The following GRID2 variants were observed in gnomAD, a reference collection of about 807,000 sequenced individuals.
GRID2 encodes glutamate ionotropic receptor delta type subunit 2.
Under a neutral mutation model 114.8 loss-of-function variants are expected in GRID2, and 33 were observed. The ratio of observed to expected loss-of-function variants is 0.29; its 90% CI spans 0.22 to 0.38. GRID2 has a LOEUF of 0.38. GRID2 is among the 10% of genes least tolerant of loss of function. The probability of loss-of-function intolerance (pLI) is 1.00; values close to 1 mark genes in which losing one functional copy is unlikely to be tolerated. For missense variants in GRID2, 1,184 were observed against 1,257.7 expected (o/e 0.94, Z 0.89); for synonymous variants, 505 against 449.9 (o/e 1.12, Z -1.55).
At chr4:92,701,906 T>G (rs957148358) in intron 2 of GRID2, among the ~76,000 whole-genome samples, 2 of 152,058 alleles carry the variant, frequency 1.3e-5, no homozygotes, top group African/African-American at 4.8e-5. Context: ...ACTAAACCAG[T>G]TTAAGCAAAT....
At chr4:93,222,615 C>A (rs2149490167) in intron 6 of GRID2, among the ~76,000 whole-genome samples, 1 of 151,984 alleles carries the variant, frequency 6.6e-6, no homozygotes, top group Admixed American at 6.6e-5. Flanking sequence ...TCCCTCACCC[C>A]TCCCCCAACC....
intron 2 of GRID2, among the ~76,000 whole-genome samples, chr4:92,710,452 G>A (rs1735192034): frequency 6.6e-6 from 1 of 152,122 alleles, no homozygotes; most frequent in South Asian, 2.1e-4. Flanking sequence ...TTTCCAATGT[G>A]CTATGTATGT....
chr4:93,039,715 G>A (rs985338592), intron 2 of GRID2, among the ~76,000 whole-genome samples: 5 of 152,068 alleles, frequency 3.3e-5, no homozygotes, highest in African/African-American at 4.8e-5. Flanking sequence ...TGAGTTCAAT[G>A]CAGTCTACAG....
At chr4:92,545,509 C>T (rs979605305) in intron 1 of GRID2, among the ~76,000 whole-genome samples, 1 of 152,072 alleles carries the variant, frequency 6.6e-6, no homozygotes, top group Non-Finnish European at 1.5e-5. Context: ...AGCTTGGTTC[C>T]AGATTTTAGC....
At chr4:92,425,963 G>C (rs191264730) in intron 1 of GRID2, among the ~76,000 whole-genome samples, 401 of 151,922 alleles carry the variant, frequency 2.6e-3, no homozygotes, top group Non-Finnish European at 4.4e-3. Context: ...GCTTTCTATA[G>C]CTCTCTCTTC....
At chr4:93,626,909 G>T (rs1447737985) in intron 14 of GRID2, among the ~76,000 whole-genome samples, 1 of 152,154 alleles carries the variant, frequency 6.6e-6, no homozygotes, top group African/African-American at 2.4e-5. Context: ...AAATGGTTAA[G>T]ATTTTGGAGT....
intron 2 of GRID2, among the ~76,000 whole-genome samples, chr4:92,950,389 C>T (rs1751940973): frequency 6.6e-6 from 1 of 152,240 alleles, no homozygotes; most frequent in South Asian, 2.1e-4. Flanking sequence ...GATTTATGTA[C>T]TATGGTAATA....
intron 1 of GRID2, among the ~76,000 whole-genome samples, chr4:92,414,037 A>G (rs767009777): frequency 6.6e-6 from 1 of 152,186 alleles, no homozygotes; most frequent in Non-Finnish European, 1.5e-5. Context: ...GGAATAATAT[A>G]TTGTTTGGTA....
intron 14 of GRID2, among the ~76,000 whole-genome samples, chr4:93,732,608 T>C (rs1730582176): frequency 6.6e-6 from 1 of 152,104 alleles, no homozygotes; most frequent in African/African-American, 2.4e-5. Flanking sequence ...AACTCAACTC[T>C]TTGTGTGGTT....
intron 2 of GRID2, among the ~76,000 whole-genome samples, chr4:92,613,849 G>T (rs1228800199): frequency 6.6e-6 from 1 of 150,976 alleles, no homozygotes; most frequent in East Asian, 2.0e-4. Flanking sequence ...CACTGATTTT[G>T]CTCTTTATTA....
intron 10 of GRID2, among the ~76,000 whole-genome samples, chr4:93,451,325 A>G (rs1580123159): frequency 6.6e-6 from 1 of 152,094 alleles, no homozygotes; most frequent in Non-Finnish European, 1.5e-5. Flanking sequence ...GTTCCAATCA[A>G]AGAGATAGTG....
intron 8 of GRID2, among the ~76,000 whole-genome samples, chr4:93,386,093 C>A (rs778670119): frequency 6.6e-6 from 1 of 152,036 alleles, no homozygotes; most frequent in Non-Finnish European, 1.5e-5. Context: ...CAAAGCTGAA[C>A]TTGAGAAGTG....
At chr4:93,782,954 CA>C (rs1230143073) in intron 1 of GRID2, among the ~76,000 whole-genome samples, 3 of 151,986 alleles carry the variant, frequency 2.0e-5, no homozygotes, top group Non-Finnish European at 2.9e-5. Context: ...GAGAATCACA[CA>C]CTAATTATGT....
chr4:93,200,005 T>A (rs915070257), intron 4 of GRID2, among the ~76,000 whole-genome samples: 10 of 152,134 alleles, frequency 6.6e-5, no homozygotes, highest in Non-Finnish European at 1.5e-4. Context: ...AATAATTGCA[T>A]TTTTTTGGTT....
intron 8 of GRID2, among the ~76,000 whole-genome samples, chr4:93,262,879 A>G (rs1258813517): frequency 1.3e-5 from 2 of 151,930 alleles, no homozygotes; most frequent in Admixed American, 6.6e-5. Context: ...AAGTATTTAA[A>G]TGTTATTTCT....
chr4:92,403,439 TGTAATTC>T (rs1730881323), intron 1 of GRID2, among the ~76,000 whole-genome samples: 1 of 151,946 alleles, frequency 6.6e-6, no homozygotes, highest in Non-Finnish European at 1.5e-5. Context: ...GGCTCATGCT[TGTAATTC>T]CAGCACTTTG....
chr4:93,224,521 A>T lies in GRID2; in HGVS notation c.964-93A>T, dbSNP rs77810657. 586 of 770,406 alleles carry T rather than the reference A, an allele frequency of 7.6e-4. 2 individuals are homozygous for T. The African/African-American group carries it at 9.2e-3, about 12-fold the overall frequency. The allele number at this position is 770,406 out of a possible 1,614,324, so 47.7% of individuals were successfully genotyped here. A position where few individuals can be genotyped will look rare whatever the true frequency, so the allele number is the denominator to read the frequency against. ...ACCCAGTAAACCAGCCATGTATGAC[A>T]TGAACAGAAGCAGTTGAGACAATTA... On this transcript the variant is annotated intron_variant, in intron 6 of 15. Coordinates refer to ENST00000282020, the MANE Select transcript of GRID2 (RefSeq NM_001510.4).
intron 2 of GRID2, among the ~76,000 whole-genome samples, chr4:92,633,298 AC>A (rs1222930155): frequency 6.6e-6 from 1 of 152,186 alleles, no homozygotes; most frequent in Non-Finnish European, 1.5e-5. Context: ...GGAAAAAAAA[AC>A]TTTGTTTCTC....
intron 2 of GRID2, among the ~76,000 whole-genome samples, chr4:92,946,936 A>T (rs115447236): frequency 2.6e-5 from 4 of 152,014 alleles, no homozygotes; most frequent in African/African-American, 9.7e-5. Context: ...GAGAACCACT[A>T]TTCCATTGGT....
Sources: gnomAD v4.1 joint callset for allele counts (sites outside exome capture counted in the v4.1 genomes callset) on GRCh38, gnomAD v4.1.1 for gene constraint, MANE v1.5 for transcripts, NCBI Gene and HGNC (gene_info 2026-07-23, HGNC 2026-07-21) for gene names.